The following EFTUD2 variants were observed in gnomAD, a reference collection of about 807,000 sequenced individuals.
The protein encoded by EFTUD2 is 116 kDa U5 small nuclear ribonucleoprotein component.
In EFTUD2, 9 loss-of-function variants were observed where a neutral mutation model predicts 114.3. That is an observed-to-expected ratio of 0.08 (90% CI 0.05 to 0.14). The LOEUF is 0.14. EFTUD2 is among the 10% of genes least tolerant of loss of function. EFTUD2 has a pLI of 1.00. For missense variants in EFTUD2, 765 were observed against 1,241.2 expected, an observed-to-expected ratio of 0.62 and a Z score of 5.76; for synonymous variants, 449 against 462.3, an observed-to-expected ratio of 0.97 and a Z score of 0.37.
chr17:44,898,647 T>C (rs2145596041), intron 1 of EFTUD2, among the ~76,000 whole-genome samples: 1 of 152,368 alleles, frequency 6.6e-6, no homozygotes, highest in East Asian at 1.9e-4. Context: ...ACCTTGTTCC[T>C]TTATTTCAAT....
At chr17:44,885,122 A>G in intron 4 of EFTUD2, 134 bp downstream of exon 4, 1 of 689,820 alleles carries the variant, frequency 1.4e-6, no homozygotes, top group South Asian at 1.8e-5. Flanking sequence ...GCAGCCACAC[A>G]AGCTGAAGGA....
At chr17:44,884,513 C>T (rs1364605261) in intron 4 of EFTUD2, among the ~76,000 whole-genome samples, 3 of 137,370 alleles carry the variant, frequency 2.2e-5, no homozygotes, top group South Asian at 2.4e-4. Flanking sequence ...AGTGAGACCC[C>T]GCATCGAAAA....
In EFTUD2 at chr17:44,894,413, T is replaced by G; in HGVS notation, c.105+4A>C. ...GAGATAAAAGAGCAATATATTTGTT[T>G]TACCTCATCAAGATCTTTGGTCTCT... On this transcript the variant is annotated splice_donor_region_variant and intron_variant, in intron 2 of 27. Transcript: ENST00000426333. The G allele has an allele frequency of 6.3e-7, 1 of 1,596,686 alleles. No homozygotes were observed. Among genetic ancestry groups the G allele is most frequent in the South Asian group, 1.1e-5 (1 of 90,700 alleles).
At chr17:44,883,865 A>G (rs1347667845) in intron 4 of EFTUD2, 141 bp from the exon 5 acceptor site, 6 of 705,292 alleles carry the variant, frequency 8.5e-6, no homozygotes, top group Non-Finnish European at 1.5e-5. Flanking sequence ...GTGAATGTCT[A>G]TACTTACATA....
intron 13 of EFTUD2, 129 bp from the exon 14 acceptor site, chr17:44,865,194 T>C: frequency 7.4e-7 from 1 of 1,353,072 alleles, no homozygotes; most frequent in Admixed American, 2.8e-5. Flanking sequence ...GAGACAAAGC[T>C]CTTGGCAAGG....
chr17:44,871,764 G>A (rs979394795), intron 11 of EFTUD2, among the ~76,000 whole-genome samples: 7 of 152,316 alleles, frequency 4.6e-5, no homozygotes, highest in Admixed American at 3.3e-4. Context: ...TACTGGTCAT[G>A]AGACATCTCA....
Position 44,849,979 on chromosome 17 carries a change from C to T in EFTUD2, c.*1295G>A, listed in dbSNP as rs1223312365. ...TTCTCTTCCTCTTGAGATTAAAAAG[C>T]AGACAGCCACTTGCTAACTGTGTGA... On this transcript the variant is annotated 3_prime_UTR_variant, in exon 28 of 28. Transcript: ENST00000426333. 1 of 221,188 alleles carries T rather than the reference C, an allele frequency of 4.5e-6. No individual in the cohort carries two copies. The highest frequency in any genetic ancestry group is 9.8e-5 in the South Asian group (1 of 10,160). The allele number at this position is 221,188 out of a possible 1,614,324, so 13.7% of individuals were successfully genotyped here. A position where few individuals can be genotyped will look rare whatever the true frequency, so the allele number is the denominator to read the frequency against.
At chr17:44,898,281 G>A (rs1471172031) in intron 1 of EFTUD2, among the ~76,000 whole-genome samples, 2 of 152,098 alleles carry the variant, frequency 1.3e-5, no homozygotes, top group African/African-American at 4.8e-5. Context: ...ACAACGGCAC[G>A]ATCTCAGTTC....
intron 9 of EFTUD2, among the ~76,000 whole-genome samples, chr17:44,877,128 C>T (rs2050975251): frequency 1.3e-5 from 2 of 151,536 alleles, no homozygotes; most frequent in Admixed American, 6.6e-5. Context: ...CCCAGGAGCT[C>T]GAGGCTGCTG....
At chr17:44,851,585 A>T (rs1202006432) in intron 27 of EFTUD2, 125 bp downstream of exon 27, 1 of 1,091,242 alleles carries the variant, frequency 9.2e-7, no homozygotes, top group Non-Finnish European at 1.3e-6. Context: ...TAAGGAGTAT[A>T]CAGATCATAT....
Position 44,851,187 on chromosome 17 carries a change from C to G in EFTUD2, c.*87G>C. 9.0e-7 allele frequency: 1 copy of G among 1,110,504 alleles called. No homozygotes were observed. Among genetic ancestry groups the G allele is most frequent in the South Asian group, 1.2e-5 (1 of 80,108 alleles). 68.8% of individuals were successfully genotyped at this position (1,110,504 alleles called of 1,614,324 possible). A position where few individuals can be genotyped will look rare whatever the true frequency, so the allele number is the denominator to read the frequency against. On this transcript the variant is annotated 3_prime_UTR_variant, in exon 28 of 28. Transcript: ENST00000426333. ...AGCTTCCAGACACTCTCTGACAACA[C>G]GAAGGCCACGTCATATGAGGTCTCA... is the stretch of plus-strand genomic sequence containing the variant.
At chr17:44,860,787 C>T (rs1042852656) in intron 16 of EFTUD2, among the ~76,000 whole-genome samples, 5 of 151,738 alleles carry the variant, frequency 3.3e-5, no homozygotes, top group Non-Finnish European at 7.4e-5. Flanking sequence ...TTTGTAGAGA[C>T]GGGGTTTTTT....
intron 17 of EFTUD2, 98 bp from the exon 18 acceptor site, chr17:44,860,143 C>T: frequency 1.9e-6 from 3 of 1,543,740 alleles, no homozygotes; most frequent in Admixed American, 1.7e-5. Context: ...TAGGATCAGA[C>T]TATGTATTCC....
intron 23 of EFTUD2, 38 bp from the exon 24 acceptor site, chr17:44,853,673 C>G (rs777120320): frequency 6.2e-7 from 1 of 1,609,370 alleles, no homozygotes; most frequent in African/African-American, 1.3e-5. Context: ...GGGAGAGGTT[C>G]TGGGCCTGTC....
chr17:44,890,511 G>A (rs1438855478), intron 2 of EFTUD2, among the ~76,000 whole-genome samples: 2 of 151,652 alleles, frequency 1.3e-5, no homozygotes, highest in African/African-American at 4.8e-5. Context: ...TGACCAACAC[G>A]GAGAAACCCC....
At position 44,850,200 on chromosome 17, in the gene EFTUD2, T is replaced by C; in HGVS notation, c.*1074A>G. 6.2e-6 allele frequency: 4 copies of C among 648,952 alleles called. No individual in the cohort carries two copies. Among genetic ancestry groups the C allele is most frequent in the South Asian group, 3.8e-5 (2 of 52,310 alleles). The allele number at this position is 648,952 out of a possible 1,614,324, so 40.2% of individuals were successfully genotyped here. A position where few individuals can be genotyped will look rare whatever the true frequency, so the allele number is the denominator to read the frequency against. On this transcript the variant is annotated 3_prime_UTR_variant, in exon 28 of 28. Coordinates refer to ENST00000426333, the MANE Select transcript of EFTUD2 (RefSeq NM_004247.4). ...GATGCTTGAAGCAGCTGTTGGGACC[T>C]GGGGCAGAAAGATGAGCGGGAAGCT...
At chr17:44,897,730 A>C (rs2051416888) in intron 1 of EFTUD2, among the ~76,000 whole-genome samples, 1 of 151,966 alleles carries the variant, frequency 6.6e-6, no homozygotes, top group Non-Finnish European at 1.5e-5. Context: ...ACACTTGGCT[A>C]ATTTTTGTAT....
chr17:44,869,286 A>G (rs958758205), intron 11 of EFTUD2, among the ~76,000 whole-genome samples: 1 of 152,110 alleles, frequency 6.6e-6, no homozygotes, highest in African/African-American at 2.4e-5. Flanking sequence ...TGCACTTACC[A>G]TGCAGTATAA....
At chr17:44,879,432 G>T in intron 9 of EFTUD2, 124 bp downstream of exon 9, 1 of 926,444 alleles carries the variant, frequency 1.1e-6, no homozygotes. Context: ...GAGCAAATTT[G>T]AGCCTTAATC....
Sources: gnomAD v4.1 joint callset for allele counts (sites outside exome capture counted in the v4.1 genomes callset) on GRCh38, gnomAD v4.1.1 for gene constraint, MANE v1.5 for transcripts, NCBI Gene and HGNC (gene_info 2026-07-23, HGNC 2026-07-21) for gene names.